RAPGEF6: variants seen among roughly 807,000 people sequenced by gnomAD.
The protein encoded by RAPGEF6 is PDZ domain containing guanine nucleotide exchange factor (GEF) 2.
Under a neutral mutation model 171.4 loss-of-function variants are expected in RAPGEF6, and 56 were observed. The observed-to-expected ratio is 0.33, with a 90% CI of 0.26 to 0.41. RAPGEF6 has a LOEUF of 0.41. Ranked by LOEUF, RAPGEF6 falls within the 10% of genes least tolerant of loss-of-function variation. RAPGEF6 has a pLI of 1.00. For missense variants in RAPGEF6, 1,674 were observed against 1,921.4 expected (o/e 0.87, Z 2.41); for synonymous variants, 692 against 650.1 (o/e 1.06, Z -0.98).
At chr5:131,534,320 T>C (rs140146401) in intron 6 of RAPGEF6, among the ~76,000 whole-genome samples, 8 of 152,234 alleles carry the variant, frequency 5.3e-5, no homozygotes, top group Non-Finnish European at 8.8e-5. Flanking sequence ...AACAACACTA[T>C]GCTGCCAATC....
chr5:131,441,935 T>G (rs1251078261), intron 23 of RAPGEF6, among the ~76,000 whole-genome samples: 1 of 152,224 alleles, frequency 6.6e-6, no homozygotes, highest in African/African-American at 2.4e-5. Context: ...TATATTCTCT[T>G]GTTTCCCAAC....
chr5:131,486,766 G>C (rs1362807927), intron 15 of RAPGEF6, among the ~76,000 whole-genome samples: 1 of 124,374 alleles, frequency 8.0e-6, no homozygotes, highest in East Asian at 2.3e-4. Context: ...GTCTCGCTCT[G>C]TCCCCCAGGC....
At chr5:131,618,301 C>A (rs941675072) in intron 1 of RAPGEF6, among the ~76,000 whole-genome samples, 1 of 152,058 alleles carries the variant, frequency 6.6e-6, no homozygotes, top group Non-Finnish European at 1.5e-5. Context: ...CTCTTCTATA[C>A]AGAAAACAAC....
chr5:131,467,448 C>T (rs533732854), intron 17 of RAPGEF6, among the ~76,000 whole-genome samples: 12 of 152,250 alleles, frequency 7.9e-5, no homozygotes, highest in East Asian at 5.8e-4. Context: ...TCTTTCTCTG[C>T]GTTAATATTA....
At chr5:131,529,258 T>C (rs1457475215) in intron 6 of RAPGEF6, among the ~76,000 whole-genome samples, 4 of 151,578 alleles carry the variant, frequency 2.6e-5, no homozygotes, top group Non-Finnish European at 4.4e-5. Context: ...GGTGGATCAT[T>C]TGAGGTCAGG....
chr5:131,562,185 TAAGA>T (rs1761645366), intron 4 of RAPGEF6, 138 bp from the exon 5 acceptor site: 1 of 570,800 alleles, frequency 1.8e-6, no homozygotes, highest in Admixed American at 3.7e-5. Flanking sequence ...ATATTTATGT[TAAGA>T]TTTTCTAAAA....
At chr5:131,498,311 G>A in intron 12 of RAPGEF6, 132 bp downstream of exon 12, 2 of 798,090 alleles carry the variant, frequency 2.5e-6, no homozygotes, top group Non-Finnish European at 3.9e-6. Context: ...TTATACTGAT[G>A]GTTCAGGTTC....
At chr5:131,597,345 C>T (rs76213290) in intron 3 of RAPGEF6, among the ~76,000 whole-genome samples, 7,767 of 151,926 alleles carry the variant, frequency 0.051, 265 homozygotes, top group Non-Finnish European at 0.077. Flanking sequence ...TCTAGGTAAT[C>T]CTGCAATCCT....
At chr5:131,467,998 T>C (rs568255168) in intron 17 of RAPGEF6, among the ~76,000 whole-genome samples, 1 of 151,448 alleles carries the variant, frequency 6.6e-6, no homozygotes, top group South Asian at 2.1e-4. Context: ...ACTACTGCAG[T>C]CCAGCCTGGG....
At chr5:131,585,674 A>G (rs1743840470) in intron 4 of RAPGEF6, among the ~76,000 whole-genome samples, 1 of 152,092 alleles carries the variant, frequency 6.6e-6, no homozygotes, top group Non-Finnish European at 1.5e-5. Context: ...AAAAATATAA[A>G]AATTAGCTGG....
chr5:131,551,043 A>T (rs1186579704), intron 5 of RAPGEF6, among the ~76,000 whole-genome samples: 2 of 152,208 alleles, frequency 1.3e-5, no homozygotes, highest in Non-Finnish European at 2.9e-5. Context: ...TAGGTGTTTA[A>T]TTAAATTTTC....
At chr5:131,585,618 G>A (rs189925732) in intron 4 of RAPGEF6, among the ~76,000 whole-genome samples, 78 of 152,254 alleles carry the variant, frequency 5.1e-4, no homozygotes, top group African/African-American at 1.6e-3. Context: ...CTGAGGTCAC[G>A]AGTTCGAGAC....
chr5:131,479,455 A>T, intron 16 of RAPGEF6, 58 bp downstream of exon 16: 1 of 1,587,190 alleles, frequency 6.3e-7, no homozygotes, highest in Non-Finnish European at 8.6e-7. Context: ...CCCACCCCAA[A>T]TAAAAACTTT....
At chr5:131,576,589 C>T (rs1372217283) in intron 4 of RAPGEF6, among the ~76,000 whole-genome samples, 1 of 152,172 alleles carries the variant, frequency 6.6e-6, no homozygotes, top group African/African-American at 2.4e-5. Context: ...CACCAGATCC[C>T]ACTGCTTGAG....
intron 1 of RAPGEF6, among the ~76,000 whole-genome samples, chr5:131,632,002 G>A (rs1280396786): frequency 6.6e-6 from 1 of 151,072 alleles, no homozygotes; most frequent in African/African-American, 2.5e-5. Flanking sequence ...CTTGATCTCA[G>A]GTGGCAGAGA....
rs770595084 is a variant in RAPGEF6 at position 131,429,121 on chromosome 5, C to T, written c.4561G>A (p.Glu1521Lys). 18 of 1,614,000 alleles carry T rather than the reference C, an allele frequency of 1.1e-5. No individual in the cohort carries two copies. The South Asian group carries it at 1.9e-4, about 17-fold the overall frequency. Residue 1521 changes from glutamate to lysine, a missense_variant, in exon 27 of 28, where the codon GAA becomes AAA. Glu to Lys is a moderately conservative substitution (Grantham distance 56, BLOSUM62 1). Transcript: ENST00000509018. ...YLGISLADLK[E>K]GPHTHLKPPD... ...GGTTTTAGGTGTGTGTGGGGTCCTT[C>T]CTTTAGGTCCGCTAAAGAAATCCCC...
intron 26 of RAPGEF6, 83 bp from the exon 27 acceptor site, chr5:131,429,299 G>A: frequency 1.7e-6 from 2 of 1,166,088 alleles, no homozygotes; most frequent in Non-Finnish European, 2.4e-6. Flanking sequence ...TTATTACAAT[G>A]ACAAAATACA....
At chr5:131,581,045 C>T (rs946969193) in intron 4 of RAPGEF6, among the ~76,000 whole-genome samples, 2 of 152,204 alleles carry the variant, frequency 1.3e-5, no homozygotes, top group Non-Finnish European at 2.9e-5. Flanking sequence ...ATCTCAACCT[C>T]TGTCACAACA....
chr5:131,569,974 A>C (rs1174045154), intron 4 of RAPGEF6, among the ~76,000 whole-genome samples: 2 of 137,552 alleles, frequency 1.5e-5, no homozygotes, highest in Admixed American at 1.6e-4. Flanking sequence ...CCCGGGAGGC[A>C]GAGGTTGCAG....
Sources: gnomAD v4.1 joint callset for allele counts (sites outside exome capture counted in the v4.1 genomes callset) on GRCh38, gnomAD v4.1.1 for gene constraint, MANE v1.5 for transcripts, NCBI Gene and HGNC (gene_info 2026-07-23, HGNC 2026-07-21) for gene names.